The following TRIM33 variants were observed in gnomAD, a reference collection of about 807,000 sequenced individuals.
TRIM33 encodes tripartite motif containing 33.
Under a neutral mutation model 125.4 loss-of-function variants are expected in TRIM33, and 20 were observed. The ratio of observed to expected loss-of-function variants is 0.16; its 90% confidence interval spans 0.11 to 0.23. TRIM33 has a LOEUF of 0.23. Ranked by LOEUF, TRIM33 falls within the 10% of genes least tolerant of loss-of-function variation. The pLI is 1.00. For synonymous variants in TRIM33, 564 were observed against 513.9 expected (o/e 1.10, Z -1.32); for missense variants, 920 against 1,411.4 (o/e 0.65, Z 5.58).
At chr1:114,478,454 G>T (rs902070751) in intron 1 of TRIM33, among the ~76,000 whole-genome samples, 3 of 152,086 alleles carry the variant, frequency 2.0e-5, no homozygotes, top group African/African-American at 7.2e-5. Context: ...AAATGAGAGA[G>T]TCACGGAAGG....
At chr1:114,456,634 G>C (rs74113189) in intron 4 of TRIM33, among the ~76,000 whole-genome samples, 1 of 152,100 alleles carries the variant, frequency 6.6e-6, no homozygotes, top group African/African-American at 2.4e-5. Flanking sequence ...ATTTGCCTTT[G>C]AGTGGGAGAG....
At chr1:114,443,140 T>C (rs1572060715) in intron 4 of TRIM33, among the ~76,000 whole-genome samples, 1 of 151,690 alleles carries the variant, frequency 6.6e-6, no homozygotes, top group East Asian at 1.9e-4. Flanking sequence ...TCCCAGCACT[T>C]TGGGAGGCTG....
chr1:114,498,964 T>C (rs968171724), intron 1 of TRIM33, among the ~76,000 whole-genome samples: 8 of 151,554 alleles, frequency 5.3e-5, no homozygotes, highest in South Asian at 4.2e-4. Flanking sequence ...AACTGATAAA[T>C]AGATGAAGAG....
intron 4 of TRIM33, among the ~76,000 whole-genome samples, chr1:114,459,208 A>C (rs1233987408): frequency 2.0e-5 from 3 of 152,188 alleles, no homozygotes; most frequent in Non-Finnish European, 4.4e-5. Flanking sequence ...CCAGATAATT[A>C]AACAGTTGGA....
intron 11 of TRIM33, among the ~76,000 whole-genome samples, chr1:114,414,225 T>C (rs1366435006): frequency 6.6e-6 from 1 of 152,180 alleles, no homozygotes; most frequent in Non-Finnish European, 1.5e-5. Context: ...AATGGTTTTA[T>C]ATGGCTCATA....
rs951969258 is a variant in TRIM33, at chr1:114,397,581, T to C, written c.*67A>G. 2 of 1,234,044 alleles carry C rather than the reference T, an allele frequency of 1.6e-6. No homozygotes were observed. The highest frequency in any genetic ancestry group is 2.0e-5 in the African/African-American group (1 of 48,930). The allele number at this position is 1,234,044 out of a possible 1,614,324, so 76.4% of individuals were successfully genotyped here. A position where few individuals can be genotyped will look rare whatever the true frequency, so the allele number is the denominator to read the frequency against. On this transcript the variant is annotated 3_prime_UTR_variant, in exon 20 of 20. Transcript: ENST00000358465. The stretch of plus-strand genomic sequence containing the variant: ...CAGCAACACTTAAAAGTTTTCTGGG[T>C]TTTTTGTGTTTTTTTTTTTTTTTTC...
chr1:114,510,991 G>C lies in TRIM33; in HGVS notation c.86C>G (p.Pro29Arg). Residue 29 changes from proline to arginine, a missense_variant, in exon 1 of 20, where the codon CCC (proline) becomes CGC (arginine). By Grantham distance (103) the Pro-to-Arg change is moderately radical. Around this residue, in one of 8 missense-constraint regions of TRIM33, gnomAD observed 233 missense variants for 189.6 expected, o/e 1.23. Coordinates refer to ENST00000358465, the MANE Select transcript of TRIM33 (RefSeq NM_015906.4). ...AGGCGGCTCCGCCTCCTGCGCGGCG[G>C]GCCCGGCGGCCCCGGCAGTTACCGG... Reference protein sequence around the residue: ...SAPVTAGAAGPAAQEAEPPLT... With the variant: ...SAPVTAGAAGRAAQEAEPPLT... 2.3e-6 allele frequency: 3 copies of C among 1,333,314 alleles called. No individual in the cohort carries two copies. The highest frequency in any genetic ancestry group is 2.9e-6 in the Non-Finnish European group (3 of 1,044,030). The allele number at this position is 1,333,314 out of a possible 1,614,324, so 82.6% of individuals were successfully genotyped here.
intron 1 of TRIM33, chr1:114,490,891 G>C (rs1200419133): frequency 6.6e-6 from 1 of 152,174 alleles, no homozygotes; most frequent in Non-Finnish European, 1.5e-5. Context: ...AGATGAAGGC[G>C]AAGGTCAGCC....
chr1:114,469,247 T>C (rs1294138536), intron 1 of TRIM33: 3 of 201,778 alleles, frequency 1.5e-5, no homozygotes, highest in Admixed American at 4.8e-5. Context: ...CAGACTGTCA[T>C]GGGCAAGCAA....
chr1:114,449,271 C>T (rs941263757), intron 4 of TRIM33, among the ~76,000 whole-genome samples: 3 of 152,032 alleles, frequency 2.0e-5, no homozygotes, highest in Non-Finnish European at 2.9e-5. Flanking sequence ...GAAGCAGTGT[C>T]CATTATGCCA....
intron 1 of TRIM33, among the ~76,000 whole-genome samples, chr1:114,479,340 C>T (rs577702031): frequency 3.9e-5 from 6 of 152,162 alleles, no homozygotes; most frequent in South Asian, 4.1e-4. Context: ...AAAATAAACA[C>T]GAAATGAATC....
intron 1 of TRIM33, among the ~76,000 whole-genome samples, chr1:114,465,764 G>A (rs570137324): frequency 1.1e-4 from 16 of 152,116 alleles, no homozygotes; most frequent in South Asian, 6.2e-4. Flanking sequence ...AAAAAGAGCC[G>A]GGCGCGGTGG....
At chr1:114,467,869 A>G (rs1443844518) in intron 1 of TRIM33, among the ~76,000 whole-genome samples, 1 of 152,218 alleles carries the variant, frequency 6.6e-6, no homozygotes, top group Non-Finnish European at 1.5e-5. Flanking sequence ...TTTGGTCATC[A>G]ACACCACTCT....
At chr1:114,398,050 T>C in intron 18 of TRIM33, 60 bp from the exon 19 acceptor site, 3 of 1,572,404 alleles carry the variant, frequency 1.9e-6, no homozygotes, top group Middle Eastern at 1.8e-4. Context: ...TCTAAAGTTA[T>C]GAGACTGCAT....
chr1:114,508,390 T>C (rs1336719105), intron 1 of TRIM33, among the ~76,000 whole-genome samples: 2 of 152,184 alleles, frequency 1.3e-5, no homozygotes, highest in African/African-American at 4.8e-5. Flanking sequence ...TCTAAATCTC[T>C]TACCTAACCC....
At position 114,500,450 on chromosome 1, in the gene TRIM33, T is replaced by A. The variant is rs528024453; in HGVS notation, c.526+10101A>T. 3.3e-5 allele frequency among the ~76,000 whole-genome samples: 5 copies of A among 152,188 alleles called. No homozygotes were observed. The East Asian group carries it at 9.7e-4, about 29-fold the overall frequency. ...AACTCCTAAGCTCAAGCCATCCTCC[T>A]GCCTCAGCCTCCTGAGTAGCTGGGA... On this transcript the variant is annotated intron_variant, in intron 1 of 19. Transcript: ENST00000358465.
At chr1:114,471,285 AC>A (rs2101431775) in intron 1 of TRIM33, among the ~76,000 whole-genome samples, 1 of 152,284 alleles carries the variant, frequency 6.6e-6, no homozygotes, top group African/African-American at 2.4e-5. Flanking sequence ...TACTAAAAAT[AC>A]AAAAGTTAGC....
intron 1 of TRIM33, among the ~76,000 whole-genome samples, chr1:114,503,870 C>G (rs1652844602): frequency 6.6e-6 from 1 of 152,160 alleles, no homozygotes; most frequent in Non-Finnish European, 1.5e-5. Flanking sequence ...ACCATAGTTT[C>G]AAGTAAAATA....
At chr1:114,480,998 C>G (rs1651296348) in intron 1 of TRIM33, among the ~76,000 whole-genome samples, 1 of 151,974 alleles carries the variant, frequency 6.6e-6, no homozygotes, top group Admixed American at 6.6e-5. Flanking sequence ...ATGGTGAAAC[C>G]CTGTCTCTAC....
Sources: gnomAD v4.1 joint callset for allele counts (sites outside exome capture counted in the v4.1 genomes callset) on GRCh38, gnomAD v4.1.1 for gene constraint, gnomAD v4.1.1 regional missense constraint, MANE v1.5 for transcripts, NCBI Gene and HGNC (gene_info 2026-07-23, HGNC 2026-07-21) for gene names.